NPEPPS: variants seen among roughly 807,000 people sequenced by gnomAD.
The protein encoded by NPEPPS is puromycin-sensitive aminopeptidase.
Under a neutral mutation model 115.5 loss-of-function variants are expected in NPEPPS, and 14 were observed. That is an observed-to-expected ratio of 0.12 (90% CI 0.08 to 0.19). NPEPPS has a LOEUF of 0.19. NPEPPS is among the 10% of genes least tolerant of loss of function. The pLI, the probability that NPEPPS is intolerant of heterozygous loss-of-function variation, is 1.00. For synonymous variants in NPEPPS, 285 were observed against 390.6 expected (o/e 0.73, Z 3.19); for missense variants, 523 against 1,110.8 (o/e 0.47, Z 7.52).
chr17:47,571,611 G>A (rs1208835559), intron 3 of NPEPPS, among the ~76,000 whole-genome samples: 2 of 152,144 alleles, frequency 1.3e-5, no homozygotes, highest in African/African-American at 2.4e-5. Context: ...CCAGCTACTC[G>A]GGAGGCTGAG....
At chr17:47,615,073 C>CTTTT (rs60829784) in intron 19 of NPEPPS, among the ~76,000 whole-genome samples, 1,699 of 122,254 alleles carry the variant, frequency 0.014, 14 homozygotes, top group African/African-American at 0.02. Context: ...TACTTTCTTT[C>CTTTT]TTTTTTTTTT....
rs1913383697 is a variant in NPEPPS at position 47,604,019 on chromosome 17, A to T, written c.1845A>T (p.Arg615=). The T allele has an allele frequency of 6.2e-7, 1 of 1,613,416 alleles. No individual in the cohort carries two copies. The highest frequency in any genetic ancestry group is 1.3e-5 in the African/African-American group (1 of 74,926). The change falls in exon 16 of 23, where the codon CGA becomes CGT. Residue 615 remains arginine (R), a synonymous_variant. Transcript: ENST00000322157. ...IRDLSLPPVD[R]LGLQNDLFSL... ...ACCTTTCTCTGCCCCCTGTGGATCG[A>T]CTTGGATTACAGAATGACCTCTTCT...
At chr17:47,568,899 C>T (rs1911011579) in intron 2 of NPEPPS, among the ~76,000 whole-genome samples, 1 of 151,132 alleles carries the variant, frequency 6.6e-6, no homozygotes, top group African/African-American at 2.4e-5. Flanking sequence ...AGGTGACCCG[C>T]CTGCCTCGGC....
chr17:47,582,369 T>C (rs1292248882), intron 4 of NPEPPS: 1 of 210,986 alleles, frequency 4.7e-6, no homozygotes, highest in African/African-American at 2.4e-5. Context: ...CAACTTACCA[T>C]GTTTTCCCAA....
upstream of NPEPPS, among the ~76,000 whole-genome samples, chr17:47,530,676 A>C (rs1397648593): frequency 6.6e-6 from 1 of 152,116 alleles, no homozygotes; most frequent in East Asian, 1.9e-4. Flanking sequence ...TTTATAACAA[A>C]ACTTTCAAAT....
chr17:47,619,446 T>G, intron 21 of NPEPPS: 2 of 504,684 alleles, frequency 4.0e-6, no homozygotes, highest in Non-Finnish European at 7.2e-6. Context: ...CCCAGCTACT[T>G]GGGAGGCTGA....
At chr17:47,605,012 T>G (rs1913428539) in intron 16 of NPEPPS, among the ~76,000 whole-genome samples, 1 of 152,220 alleles carries the variant, frequency 6.6e-6, no homozygotes, top group Non-Finnish European at 1.5e-5. Flanking sequence ...CCCCAGAAAC[T>G]GAGTAGAAAT....
intron 2 of NPEPPS, chr17:47,559,748 G>C (rs916696598): frequency 3.6e-5 from 14 of 384,958 alleles, no homozygotes; most frequent in African/African-American, 2.9e-4. Context: ...CAAGCCTCTT[G>C]TCTTGTCTTG....
intron 1 of NPEPPS, among the ~76,000 whole-genome samples, chr17:47,545,257 A>G (rs1231828813): frequency 6.6e-6 from 1 of 152,142 alleles, no homozygotes; most frequent in Non-Finnish European, 1.5e-5. Context: ...TCAGCCTCCC[A>G]AAGTGTTGGG....
chr17:47,618,939 T>C, intron 20 of NPEPPS, 70 bp from the exon 21 acceptor site: 2 of 1,387,068 alleles, frequency 1.4e-6, no homozygotes, highest in Non-Finnish European at 2.0e-6. Flanking sequence ...AGTGTCACAG[T>C]ATGGTGCACT....
chr17:47,610,173 AC>A (rs561797631), intron 17 of NPEPPS, among the ~76,000 whole-genome samples: 4 of 94,028 alleles, frequency 4.3e-5, no homozygotes, highest in Non-Finnish European at 6.6e-5. Flanking sequence ...GCCCCACCCC[AC>A]CCCCCCAAAA....
intron 17 of NPEPPS, among the ~76,000 whole-genome samples, chr17:47,610,345 A>G (rs1046876459): frequency 6.6e-6 from 1 of 152,180 alleles, no homozygotes; most frequent in East Asian, 1.9e-4. Context: ...AGTATTTTCA[A>G]GATTCATCTA....
In NPEPPS at chr17:47,579,615, G is replaced by A. The variant is rs1220799127; in HGVS notation, c.540+104G>A. The A allele has an allele frequency of 5.0e-5, 59 of 1,183,742 alleles. No homozygotes were observed. In the Admixed American group the frequency reaches 1.4e-3, roughly 27 times the overall value. The allele number at this position is 1,183,742 out of a possible 1,614,324, so 73.3% of individuals were successfully genotyped here. A position where few individuals can be genotyped will look rare whatever the true frequency, so the allele number is the denominator to read the frequency against. ...GATTATTTGAGGCTAGGTGCCCTTG[G>A]CCATGATTGTATTCACAATTTTAGA... On this transcript the variant is annotated intron_variant, in intron 4 of 22. Transcript: ENST00000322157.
At chr17:47,557,202 C>T (rs1910108800) in intron 2 of NPEPPS, among the ~76,000 whole-genome samples, 1 of 152,004 alleles carries the variant, frequency 6.6e-6, no homozygotes, top group African/African-American at 2.4e-5. Context: ...CCTCAGCCTC[C>T]TGATAGCTAG....
rs139112004 is a variant in NPEPPS at position 47,596,819 on chromosome 17, G to A, written c.1536+357G>A. On this transcript the variant is annotated intron_variant, in intron 13 of 22. Transcript: ENST00000322157. ...TCCCAACACTCTGGGAGGCCGTGGCGGGTGGATCACTTGAGGTCGGGAGTT... is the reference window on the plus strand; with the variant it reads ...TCCCAACACTCTGGGAGGCCGTGGCAGGTGGATCACTTGAGGTCGGGAGTT... Among the ~76,000 whole-genome samples the A allele has an allele frequency of 6.0e-3, 908 of 152,288 alleles. 6 individuals are homozygous for A. The highest frequency in any genetic ancestry group is 0.018 in the African/African-American group (729 of 41,562).
intron 17 of NPEPPS, among the ~76,000 whole-genome samples, chr17:47,607,886 C>T (rs369362818): frequency 3.3e-5 from 5 of 152,086 alleles, no homozygotes; most frequent in African/African-American, 9.7e-5. Flanking sequence ...GCTCTGTTGC[C>T]GAGGCTGGAG....
chr17:47,619,889 T>C, intron 22 of NPEPPS, 105 bp downstream of exon 22: 1 of 963,702 alleles, frequency 1.0e-6, no homozygotes, highest in Non-Finnish European at 1.7e-6. Flanking sequence ...ATCTCTGTGT[T>C]TTTGTTTAGA....
chr17:47,537,653 A>G (rs1430927592), intron 1 of NPEPPS, among the ~76,000 whole-genome samples: 1 of 151,878 alleles, frequency 6.6e-6, no homozygotes, highest in African/African-American at 2.4e-5. Flanking sequence ...GTGAGCTGAG[A>G]TCACGCCATT....
At chr17:47,618,878 G>A in intron 20 of NPEPPS, 131 bp from the exon 21 acceptor site, 2 of 810,054 alleles carry the variant, frequency 2.5e-6, no homozygotes, top group Non-Finnish European at 3.9e-6. Context: ...AGAACTTCTG[G>A]TTCCAGTTAT....
Sources: allele counts gnomAD v4.1 joint callset (sites outside exome capture counted in the v4.1 genomes callset), GRCh38; gene constraint gnomAD v4.1.1; transcripts MANE v1.5; gene names NCBI Gene and HGNC (gene_info 2026-07-23, HGNC 2026-07-21).